UNC13B: variants seen among roughly 807,000 people sequenced by gnomAD.
UNC13B encodes protein unc-13 homolog B.
UNC13B carries 144 observed loss-of-function variants against 211.0 expected under a neutral mutation model. That is an observed-to-expected ratio of 0.68 (90% CI 0.60 to 0.78). UNC13B has a LOEUF of 0.78. Among genes scored for constraint, UNC13B ranks in the 30% least tolerant of loss-of-function variants. UNC13B has a pLI of 0.00. For synonymous variants in UNC13B, 709 were observed against 725.8 expected, an observed-to-expected ratio of 0.98 and a Z score of 0.37; for missense variants, 1,777 against 2,002.0, an observed-to-expected ratio of 0.89 and a Z score of 2.14.
intron 15 of UNC13B, 130 bp downstream of exon 15, chr9:35,376,377 T>G: frequency 1.1e-6 from 1 of 928,436 alleles, no homozygotes; most frequent in Non-Finnish European, 1.6e-6. Flanking sequence ...CCCTATCCAT[T>G]TCAGAGAAGG....
At chr9:35,393,605 T>C (rs1258545013) in intron 26 of UNC13B, among the ~76,000 whole-genome samples, 3 of 147,204 alleles carry the variant, frequency 2.0e-5, no homozygotes, top group Non-Finnish European at 1.5e-5. Context: ...TGAGTCTCTC[T>C]GTGTCACCCA....
At position 35,301,236 on chromosome 9, in the gene UNC13B, A is replaced by G. The variant is rs1377331297; in HGVS notation, c.1832A>G (p.Asp611Gly). 1.5e-5 allele frequency: 6 copies of G among 398,828 alleles called. No individual in the cohort carries two copies. The highest frequency in any genetic ancestry group is 1.3e-4 in the Admixed American group (3 of 22,716). The allele number at this position is 398,828 out of a possible 1,614,324, so 24.7% of individuals were successfully genotyped here. ...SSQKDDNVNI[D>G]RHRKTSENEH... ...CAAAAAGATGATAATGTGAATATAGACAGACATAGAAAAACCTCTGAAAAT... is the reference window on the plus strand; with the variant it reads ...CAAAAAGATGATAATGTGAATATAGGCAGACATAGAAAAACCTCTGAAAAT... Residue 611 changes from aspartate (D) to glycine (G), a missense_variant, in exon 9 of 40, where the codon GAC (aspartate) becomes GGC (glycine). Physicochemically the swap from Asp to Gly is moderately conservative, Grantham distance 94. Coordinates refer to ENST00000635942, the MANE Select transcript of UNC13B (RefSeq NM_001371189.2).
intron 7 of UNC13B, among the ~76,000 whole-genome samples, chr9:35,280,467 G>T (rs1828420041): frequency 6.6e-6 from 1 of 152,138 alleles, no homozygotes; most frequent in Non-Finnish European, 1.5e-5. Context: ...GGTACCTCCA[G>T]TCTAGGACTA....
chr9:35,265,784 C>T (rs1005580093), intron 7 of UNC13B, among the ~76,000 whole-genome samples: 3 of 152,084 alleles, frequency 2.0e-5, no homozygotes, highest in Non-Finnish European at 1.5e-5. Context: ...CAATTAAAAA[C>T]AAAGTTATTA....
At chr9:35,266,224 C>T (rs1827565923) in intron 7 of UNC13B, among the ~76,000 whole-genome samples, 2 of 152,214 alleles carry the variant, frequency 1.3e-5, no homozygotes, top group Admixed American at 6.5e-5. Flanking sequence ...ATCTCTAGGA[C>T]TTTTCCAGCT....
intron 1 of UNC13B, among the ~76,000 whole-genome samples, chr9:35,203,482 G>A (rs2131385691): frequency 6.6e-6 from 1 of 152,206 alleles, no homozygotes; most frequent in Non-Finnish European, 1.5e-5. Context: ...TTGAATATTG[G>A]CCCCCCACTC....
In UNC13B at chr9:35,295,922, G is replaced by A; in HGVS notation, c.753G>A (p.Arg251=). Residue 251 remains arginine (R), a synonymous_variant, in exon 8 of 40, where the codon CGG becomes CGA. Transcript: ENST00000635942. ...QSYDLDYPER[R]AIRYAQKYDT... ...ATGACCTTGATTATCCAGAGCGGCG[G>A]GCTATCAGGTGGGTATTGAGCACAA... 6.2e-7 allele frequency: 1 copy of A among 1,607,378 alleles called. No homozygotes were observed. Among genetic ancestry groups the A allele is most frequent in the Non-Finnish European group, 8.5e-7 (1 of 1,176,712 alleles).
At chr9:35,317,162 G>A (rs1390555250) in intron 11 of UNC13B, among the ~76,000 whole-genome samples, 1 of 152,004 alleles carries the variant, frequency 6.6e-6, no homozygotes, top group Non-Finnish European at 1.5e-5. Flanking sequence ...GCAAACACTG[G>A]GAGTCTGTTG....
chr9:35,321,652 T>C (rs182442322), intron 11 of UNC13B, among the ~76,000 whole-genome samples: 9 of 152,150 alleles, frequency 5.9e-5, no homozygotes, highest in African/African-American at 1.9e-4. Context: ...ATTTAAATTT[T>C]ATTTTTTATT....
In UNC13B at chr9:35,302,362, A is replaced by G. The variant is rs1256185381; in HGVS notation, c.2958A>G (p.Glu986=). The part of the protein sequence containing the change: ...DDLEKFDSIK[E]FNKNDQVNCP... ...TAGAGAAGTTTGACAGTATAAAGGA[A>G]TTTAATAAGAATGACCAAGTAAATT... The change falls in exon 9 of 40, where the codon GAA becomes GAG. Residue 986 remains glutamate, a synonymous_variant. Coordinates refer to ENST00000635942, the MANE Select transcript of UNC13B (RefSeq NM_001371189.2). The G allele has an allele frequency of 2.0e-5, 8 of 398,506 alleles. No homozygotes were observed. The highest frequency in any genetic ancestry group is 3.5e-5 in the Non-Finnish European group (8 of 225,774). The allele number at this position is 398,506 out of a possible 1,614,324, so 24.7% of individuals were successfully genotyped here.
chr9:35,382,631 C>T (rs528860238), intron 21 of UNC13B, 124 bp downstream of exon 21: 18 of 1,139,692 alleles, frequency 1.6e-5, no homozygotes, highest in African/African-American at 4.8e-5. Flanking sequence ...GGCGTGGTCT[C>T]GGCTCACTGC....
In UNC13B at chr9:35,349,282, G is replaced by A. The variant is rs1832566677; in HGVS notation, c.9415-17665G>A. ...CCAGCTGCAGCCCTTGTAAAGCCAG[G>A]AACATTGTTCATGGCTAATACCAAG... On this transcript the variant is annotated intron_variant, in intron 11 of 39. Coordinates refer to ENST00000635942, the MANE Select transcript of UNC13B (RefSeq NM_001371189.2). Among the ~76,000 whole-genome samples the A allele has an allele frequency of 5.4e-5, 8 of 148,966 alleles. No individual in the cohort carries two copies. In the South Asian group the frequency reaches 1.7e-3, roughly 32 times the overall value.
At chr9:35,389,781 G>C in intron 24 of UNC13B, 65 bp from the exon 25 acceptor site, 1 of 1,565,570 alleles carries the variant, frequency 6.4e-7, no homozygotes, top group Non-Finnish European at 8.8e-7. Context: ...AGGATCGTTG[G>C]AGACACCCTC....
intron 11 of UNC13B, among the ~76,000 whole-genome samples, chr9:35,345,736 C>T (rs1587666173): frequency 6.6e-6 from 1 of 152,290 alleles, no homozygotes; most frequent in East Asian, 1.9e-4. Context: ...AAAAACCTTG[C>T]TACTGCTGAA....
intron 13 of UNC13B, among the ~76,000 whole-genome samples, chr9:35,370,870 T>TG (rs1239180194): frequency 2.0e-5 from 3 of 152,196 alleles, no homozygotes; most frequent in Non-Finnish European, 2.9e-5. Context: ...TGTCAGGCAC[T>TG]GAGAGGCAAT....
intron 24 of UNC13B, 111 bp downstream of exon 24, chr9:35,386,404 A>C: frequency 5.5e-5 from 79 of 1,432,744 alleles, no homozygotes; most frequent in Non-Finnish European, 6.5e-5. Context: ...TGATGTTCTC[A>C]AGGGTGAGTG....
intron 1 of UNC13B, among the ~76,000 whole-genome samples, chr9:35,184,970 A>G (rs1009848270): frequency 4.6e-5 from 7 of 152,162 alleles, no homozygotes; most frequent in Non-Finnish European, 8.8e-5. Context: ...AAACAATAAA[A>G]TATTTTTTCC....
intron 11 of UNC13B, among the ~76,000 whole-genome samples, chr9:35,324,342 G>A (rs1830894835): frequency 6.6e-6 from 1 of 152,138 alleles, no homozygotes; most frequent in African/African-American, 2.4e-5. Flanking sequence ...CCAATAGATT[G>A]CCTTATATCT....
At chr9:35,282,260 TCACAACC>T (rs1293639909) in intron 7 of UNC13B, among the ~76,000 whole-genome samples, 4 of 152,174 alleles carry the variant, frequency 2.6e-5, no homozygotes, top group Non-Finnish European at 4.4e-5. Flanking sequence ...CTCTTCCCAA[TCACAACC>T]CCCTCTTCCC....
Sources: allele counts gnomAD v4.1 joint callset (sites outside exome capture counted in the v4.1 genomes callset), GRCh38; gene constraint gnomAD v4.1.1; transcripts MANE v1.5; gene names NCBI Gene and HGNC (gene_info 2026-07-23, HGNC 2026-07-21).